TSPAN12: variants seen among roughly 807,000 people sequenced by gnomAD.
TSPAN12 encodes tetraspanin-12.
In TSPAN12, 19 loss-of-function variants were observed where a neutral mutation model predicts 39.2. That is an observed-to-expected ratio of 0.49 (90% CI 0.34 to 0.71). The LOEUF (loss-of-function observed/expected upper bound fraction) is 0.71, where lower values mean the gene tolerates loss of function less well. Among genes scored for constraint, TSPAN12 ranks in the 30% least tolerant of loss-of-function variants. The probability of loss-of-function intolerance (pLI) is 0.01; values close to 1 mark genes in which losing one functional copy is unlikely to be tolerated. For synonymous variants in TSPAN12, 119 were observed against 124.8 expected, an observed-to-expected ratio of 0.95 and a Z score of 0.31; for missense variants, 314 against 359.9, an observed-to-expected ratio of 0.87 and a Z score of 1.03.
At chr7:120,819,349 T>C (rs1238759398) in intron 4 of TSPAN12, among the ~76,000 whole-genome samples, 1 of 152,112 alleles carries the variant, frequency 6.6e-6, no homozygotes, top group African/African-American at 2.4e-5. Context: ...CATTAATCAG[T>C]TTGCAAATGT....
Position 120,842,053 on chromosome 7 carries a change from A to G in TSPAN12, c.67-1944T>C, listed in dbSNP as rs187416284. 1.4e-4 allele frequency among the ~76,000 whole-genome samples: 21 copies of G among 152,290 alleles called. No individual in the cohort carries two copies. In the East Asian group the frequency reaches 3.5e-3, roughly 25 times the overall value. On this transcript the variant is annotated intron_variant, in intron 2 of 7. Coordinates refer to ENST00000222747, the MANE Select transcript of TSPAN12 (RefSeq NM_012338.4). ...AATTCGACTTACCCTGATTTTTAAT[A>G]ATTTCTGGCATTGTAATGAACATCA... is the stretch of plus-strand genomic sequence containing the variant.
chr7:120,799,351 T>C (rs1202242211), intron 7 of TSPAN12, among the ~76,000 whole-genome samples: 1 of 149,818 alleles, frequency 6.7e-6, no homozygotes, highest in Non-Finnish European at 1.5e-5. Context: ...AGATCTCCAC[T>C]TACGGCTCAG....
intron 1 of TSPAN12, chr7:120,857,397 G>A (rs3814459): frequency 0.065 from 10,104 of 155,532 alleles, 660 homozygotes; most frequent in East Asian, 0.32. Flanking sequence ...GCGGGGGCGA[G>A]GGGGCAGCGC....
chr7:120,846,663 A>C (rs1230488655), intron 2 of TSPAN12, among the ~76,000 whole-genome samples: 1 of 152,224 alleles, frequency 6.6e-6, no homozygotes, highest in African/African-American at 2.4e-5. Context: ...GCTATGTGTT[A>C]GGGATACACT....
intron 2 of TSPAN12, among the ~76,000 whole-genome samples, chr7:120,850,546 G>C (rs1036607050): frequency 2.0e-5 from 3 of 152,186 alleles, no homozygotes; most frequent in Non-Finnish European, 4.4e-5. Flanking sequence ...CTATTGCTCA[G>C]TATGCAGCAG....
rs1326158085 is a variant in TSPAN12, at chr7:120,799,573, T to C, written c.612+6976A>G. Among the ~76,000 whole-genome samples, 5 of 112,138 alleles carry C rather than the reference T, an allele frequency of 4.5e-5. No individual in the cohort carries two copies. In the East Asian group the frequency reaches 1.1e-3, roughly 25 times the overall value. The allele number at this position is 112,138 out of a possible 152,430, so 73.6% of individuals were successfully genotyped here. A position where few individuals can be genotyped will look rare whatever the true frequency, so the allele number is the denominator to read the frequency against. On this transcript the variant is annotated intron_variant, in intron 7 of 7. Coordinates refer to ENST00000222747, the MANE Select transcript of TSPAN12 (RefSeq NM_012338.4). ...ATATATAATTAAATATAATTATTTA[T>C]ATAATTATATGTAATAATATAATTA...
intron 7 of TSPAN12, among the ~76,000 whole-genome samples, chr7:120,792,558 C>T (rs1016113799): frequency 6.6e-6 from 1 of 152,136 alleles, no homozygotes; most frequent in Non-Finnish European, 1.5e-5. Flanking sequence ...ATCCTGAGAT[C>T]TCTCCTCTGG....
intron 4 of TSPAN12, among the ~76,000 whole-genome samples, chr7:120,827,860 G>T (rs1449712703): frequency 6.6e-6 from 1 of 152,114 alleles, no homozygotes; most frequent in Non-Finnish European, 1.5e-5. Flanking sequence ...CTGAAAAATC[G>T]CTGCAGCGTT....
intron 2 of TSPAN12, among the ~76,000 whole-genome samples, chr7:120,848,169 T>C (rs184912986): frequency 6.6e-6 from 1 of 152,198 alleles, no homozygotes; most frequent in Non-Finnish European, 1.5e-5. Context: ...CAAGCCCAGC[T>C]TGAACATCAA....
chr7:120,793,634 A>T (rs1401666182), intron 7 of TSPAN12, among the ~76,000 whole-genome samples: 1 of 152,206 alleles, frequency 6.6e-6, no homozygotes, highest in Admixed American at 6.5e-5. Flanking sequence ...TTCTCTATCA[A>T]GAGTATCTCC....
chr7:120,843,265 A>T (rs1371751938), intron 2 of TSPAN12, among the ~76,000 whole-genome samples: 1 of 152,206 alleles, frequency 6.6e-6, no homozygotes, highest in East Asian at 1.9e-4. Context: ...TTGATGCATT[A>T]ACATCTGTTC....
intron 2 of TSPAN12, among the ~76,000 whole-genome samples, chr7:120,853,489 T>TA (rs934657998): frequency 7.0e-6 from 1 of 143,340 alleles, no homozygotes; most frequent in African/African-American, 2.5e-5. Flanking sequence ...TATATATATA[T>TA]ATATACACAC....
chr7:120,808,696 T>C (rs1793921236), intron 6 of TSPAN12, among the ~76,000 whole-genome samples: 1 of 152,104 alleles, frequency 6.6e-6, no homozygotes, highest in Admixed American at 6.6e-5. Flanking sequence ...CACTGGGGCT[T>C]AAGTGAGAGT....
At chr7:120,836,950 C>T (rs1267242202) in intron 4 of TSPAN12, among the ~76,000 whole-genome samples, 10 of 152,194 alleles carry the variant, frequency 6.6e-5, no homozygotes, top group African/African-American at 2.2e-4. Context: ...ACTTGCCCTG[C>T]CTCCCTCCAG....
chr7:120,848,680 A>G (rs1194640481), intron 2 of TSPAN12, among the ~76,000 whole-genome samples: 1 of 152,192 alleles, frequency 6.6e-6, no homozygotes, highest in African/African-American at 2.4e-5. Flanking sequence ...CTGTGCACAG[A>G]ACATTAGTCA....
intron 7 of TSPAN12, among the ~76,000 whole-genome samples, chr7:120,798,507 G>C (rs41627): frequency 0.66 from 100,093 of 151,732 alleles, 33,482 homozygotes; most frequent in Middle Eastern, 0.81. Flanking sequence ...GAGCAGGAGG[G>C]TTTACGGATG....
chr7:120,852,495 T>A (rs1216509294), intron 2 of TSPAN12, among the ~76,000 whole-genome samples: 1 of 152,174 alleles, frequency 6.6e-6, no homozygotes, highest in Non-Finnish European at 1.5e-5. Flanking sequence ...CTCCTCAGGG[T>A]GTGGCACTCA....
chr7:120,808,148 T>C (rs560901618), intron 6 of TSPAN12, among the ~76,000 whole-genome samples: 4 of 152,258 alleles, frequency 2.6e-5, no homozygotes, highest in Admixed American at 1.3e-4. Context: ...AGAACAGTTC[T>C]TGGAACTCTC....
At chr7:120,857,514 G>A (rs888816771) in intron 1 of TSPAN12, among the ~76,000 whole-genome samples, 1 of 150,954 alleles carries the variant, frequency 6.6e-6, no homozygotes, top group African/African-American at 2.4e-5. Flanking sequence ...GCGGGGGGCG[G>A]GGGGCGCCGG....
Sources: gnomAD v4.1 joint callset for allele counts (sites outside exome capture counted in the v4.1 genomes callset) on GRCh38, gnomAD v4.1.1 for gene constraint, MANE v1.5 for transcripts, NCBI Gene and HGNC (gene_info 2026-07-23, HGNC 2026-07-21) for gene names.